The following SGCD variants were observed in gnomAD, a reference collection of about 807,000 sequenced individuals.
SGCD encodes the protein sarcoglycan delta, also known as delta-sarcoglycan.
In SGCD, 18 loss-of-function variants were observed where a neutral mutation model predicts 36.6. The ratio of observed to expected loss-of-function variants is 0.49; its 90% CI spans 0.34 to 0.73. SGCD has a LOEUF of 0.73. Ranked by LOEUF, SGCD falls within the 30% of genes least tolerant of loss-of-function variation. SGCD has a pLI of 0.01. For synonymous variants in SGCD, 133 were observed against 130.6 expected (o/e 1.02, Z -0.12); for missense variants, 387 against 346.7 (o/e 1.12, Z -0.92).
At chr5:155,882,069 C>A (rs1482375971) in intron 1 of SGCD, among the ~76,000 whole-genome samples, 1 of 151,984 alleles carries the variant, frequency 6.6e-6, no homozygotes, top group Non-Finnish European at 1.5e-5. Context: ...GTTAATGTTG[C>A]TATTTTTACT....
At chr5:156,030,836 GGTACAAATA>G (rs987620177) in intron 1 of SGCD, among the ~76,000 whole-genome samples, 15 of 152,092 alleles carry the variant, frequency 9.9e-5, no homozygotes, top group Non-Finnish European at 2.2e-4. Flanking sequence ...TGCAAATAAA[GGTACAAATA>G]GTACAAATAG....
At chr5:156,412,489 C>A (rs1772815252) in intron 3 of SGCD, among the ~76,000 whole-genome samples, 1 of 152,048 alleles carries the variant, frequency 6.6e-6, no homozygotes, top group Non-Finnish European at 1.5e-5. Flanking sequence ...ATTTGAATCT[C>A]AAAAAATAAA....
chr5:155,793,314 C>G, the SGCD span, among the ~76,000 whole-genome samples: 842 of 152,180 alleles, frequency 5.5e-3, 7 homozygotes, highest in Middle Eastern at 0.014. Flanking sequence ...ACCTGGATGA[C>G]AAGACCATTC....
rs1763546835 is a variant in SGCD at position 156,653,493 on chromosome 5, C to CTTTTTTTTTTGTTTTTTTTTTTTTTTT, written c.575+5967_575+5968insGTTTTTTTTTTTTTTTTTTTTTTTTTT. 8.3e-5 allele frequency among the ~76,000 whole-genome samples: 4 copies of CTTTTTTTTTTGTTTTTTTTTTTTTTTT among 48,082 alleles called. 2 individuals are homozygous for CTTTTTTTTTTGTTTTTTTTTTTTTTTT. The highest frequency in any genetic ancestry group is 7.3e-4 in the Admixed American group (2 of 2,722). 31.5% of individuals were successfully genotyped at this position (48,082 alleles called of 152,430 possible). The stretch of plus-strand genomic sequence containing the variant: ...TTTTCTTACGTAATTCTAAAGCTTG[C>CTTTTTTTTTTGTTTTTTTTTTTTTTTT]TTTTTTTTTTTTTTTGCCCCTGTTG... On this transcript the variant is annotated intron_variant, in intron 7 of 8. Transcript: ENST00000337851.
At chr5:156,401,334 G>A (rs1437788854) in intron 3 of SGCD, among the ~76,000 whole-genome samples, 3 of 152,150 alleles carry the variant, frequency 2.0e-5, no homozygotes, top group Non-Finnish European at 4.4e-5. Context: ...ATAGTAAAAG[G>A]TGCTCTATCA....
chr5:156,471,873 A>T (rs1754980737), intron 3 of SGCD, among the ~76,000 whole-genome samples: 2 of 150,504 alleles, frequency 1.3e-5, no homozygotes, highest in Non-Finnish European at 2.9e-5. Flanking sequence ...AAATATACAT[A>T]CACAACGAAT....
the SGCD span, among the ~76,000 whole-genome samples, chr5:155,822,142 A>C: frequency 6.6e-6 from 1 of 152,228 alleles, no homozygotes; most frequent in South Asian, 2.1e-4. Flanking sequence ...AGAGGCATAT[A>C]AATAAACAGG....
At chr5:156,078,588 T>C (rs987460343) in intron 1 of SGCD, among the ~76,000 whole-genome samples, 2 of 141,594 alleles carry the variant, frequency 1.4e-5, no homozygotes, top group Non-Finnish European at 3.0e-5. Flanking sequence ...TTTATATATA[T>C]TTATATTTAT....
chr5:155,907,488 A>T (rs927148728), intron 1 of SGCD, among the ~76,000 whole-genome samples: 1 of 152,118 alleles, frequency 6.6e-6, no homozygotes, highest in Non-Finnish European at 1.5e-5. Context: ...TTTGTGATTC[A>T]TGGGAGGTGG....
chr5:155,976,236 T>C (rs185599927), intron 1 of SGCD, among the ~76,000 whole-genome samples: 4 of 152,254 alleles, frequency 2.6e-5, no homozygotes, highest in Admixed American at 6.5e-5. Context: ...TTTGTCTCTA[T>C]AAAAATAGGT....
intron 5 of SGCD, among the ~76,000 whole-genome samples, chr5:156,590,754 A>C (rs1581218586): frequency 4.3e-5 from 6 of 138,360 alleles, no homozygotes; most frequent in South Asian, 2.4e-4. Context: ...TTTTCCCCCC[A>C]CTCTTCCTCT....
At chr5:156,604,726 A>ATATATGTATATTTACATATATACACATTT (rs1761346950) in intron 6 of SGCD, among the ~76,000 whole-genome samples, 1 of 110,084 alleles carries the variant, frequency 9.1e-6, no homozygotes, top group Non-Finnish European at 1.8e-5. Flanking sequence ...TATGCACATT[A>ATATATGTATATTTACATATATACACATTT]TATATGTATA....
chr5:155,882,934 T>A (rs1273396708), intron 1 of SGCD, among the ~76,000 whole-genome samples: 1 of 152,220 alleles, frequency 6.6e-6, no homozygotes, highest in South Asian at 2.1e-4. Context: ...GAAAGCTGAT[T>A]TGTATACACT....
intron 4 of SGCD, among the ~76,000 whole-genome samples, chr5:156,512,014 T>G (rs1756951908): frequency 1.3e-5 from 2 of 151,978 alleles, no homozygotes; most frequent in Admixed American, 1.3e-4. Context: ...GCCAAGATGG[T>G]GCAACCCTGT....
At chr5:156,122,455 C>A (rs1034347826) in intron 2 of SGCD, among the ~76,000 whole-genome samples, 3 of 151,968 alleles carry the variant, frequency 2.0e-5, no homozygotes, top group African/African-American at 7.3e-5. Flanking sequence ...TACAAGGGTC[C>A]TCACTGGAAA....
chr5:156,347,774 G>A (rs13172727), intron 3 of SGCD, among the ~76,000 whole-genome samples: 61,634 of 152,042 alleles, frequency 0.41, 13,356 homozygotes, highest in East Asian at 0.78. Context: ...TGCTTCTAGA[G>A]TATGTTTTAT....
chr5:156,546,965 G>A (rs1156455115), intron 4 of SGCD, among the ~76,000 whole-genome samples: 1 of 152,142 alleles, frequency 6.6e-6, no homozygotes, highest in East Asian at 1.9e-4. Context: ...TGGATTTCAA[G>A]TAAGAAAAAT....
chr5:156,603,862 T>A (rs949916859), intron 6 of SGCD, among the ~76,000 whole-genome samples: 1 of 152,088 alleles, frequency 6.6e-6, no homozygotes, highest in Non-Finnish European at 1.5e-5. Flanking sequence ...AAAGAATATA[T>A]ATTCTACAGC....
chr5:155,750,977 T>A, the SGCD span, among the ~76,000 whole-genome samples: 1 of 152,216 alleles, frequency 6.6e-6, no homozygotes, highest in Non-Finnish European at 1.5e-5. Flanking sequence ...GAAATTTAGA[T>A]GAGATGATGC....
Sources: gnomAD v4.1 joint callset for allele counts (sites outside exome capture counted in the v4.1 genomes callset) on GRCh38, gnomAD v4.1.1 for gene constraint, MANE v1.5 for transcripts, NCBI Gene and HGNC (gene_info 2026-07-23, HGNC 2026-07-21) for gene names.